FTO: variants seen among roughly 807,000 people sequenced by gnomAD.
The protein encoded by FTO is FTO alpha-ketoglutarate dependent dioxygenase.
FTO carries 47 observed loss-of-function variants against 63.9 expected under a neutral mutation model. The ratio of observed to expected loss-of-function variants is 0.74; its 90% confidence interval spans 0.58 to 0.94. FTO has a LOEUF of 0.94. Among genes scored for constraint, FTO ranks in the 40% least tolerant of loss-of-function variants. The pLI is 0.00. For synonymous variants in FTO, 207 were observed against 224.4 expected, an observed-to-expected ratio of 0.92 and a Z score of 0.69; for missense variants, 562 against 618.1, an observed-to-expected ratio of 0.91 and a Z score of 0.96.
chr16:53,934,650 C>T (rs567898866), intron 8 of FTO, among the ~76,000 whole-genome samples: 3 of 152,198 alleles, frequency 2.0e-5, no homozygotes, highest in East Asian at 3.9e-4. Flanking sequence ...GTCTGTTGCT[C>T]GGGGGCTGCA....
At chr16:53,898,756 T>C (rs1420155292) in intron 7 of FTO, among the ~76,000 whole-genome samples, 2 of 152,212 alleles carry the variant, frequency 1.3e-5, no homozygotes, top group East Asian at 3.8e-4. Context: ...CATAGCTCAC[T>C]GTAGCCTCAA....
At chr16:53,784,830 A>T (rs1321713683) in intron 1 of FTO, among the ~76,000 whole-genome samples, 1 of 152,208 alleles carries the variant, frequency 6.6e-6, no homozygotes, top group African/African-American at 2.4e-5. Flanking sequence ...GTTCATATAC[A>T]TCAAAGCTGT....
intron 7 of FTO, among the ~76,000 whole-genome samples, chr16:53,897,115 T>C (rs1218161789): frequency 1.3e-5 from 2 of 152,298 alleles, no homozygotes; most frequent in African/African-American, 4.8e-5. Flanking sequence ...TCTGTATTCC[T>C]GAAAGGATCT....
At chr16:53,879,662 G>T (rs1598892889) in intron 5 of FTO, among the ~76,000 whole-genome samples, 182 bp from the exon 6 acceptor site, 1 of 148,780 alleles carries the variant, frequency 6.7e-6, no homozygotes, top group East Asian at 2.0e-4. Flanking sequence ...CTCCAGCTTG[G>T]GTGACACAGC....
intron 8 of FTO, among the ~76,000 whole-genome samples, chr16:54,056,616 C>T (rs545367267): frequency 6.6e-6 from 1 of 152,274 alleles, no homozygotes; most frequent in East Asian, 1.9e-4. Context: ...TGTGAGCAAC[C>T]CTATGGAGAA....
chr16:53,915,205 C>T (rs148371638), intron 7 of FTO, among the ~76,000 whole-genome samples: 5,874 of 152,234 alleles, frequency 0.039, 178 homozygotes, highest in Non-Finnish European at 0.049. Context: ...TAAAAATTTT[C>T]CCTTTCTGCT....
intron 8 of FTO, among the ~76,000 whole-genome samples, chr16:54,016,240 A>G (rs2084443031): frequency 6.6e-6 from 1 of 151,836 alleles, no homozygotes; most frequent in African/African-American, 2.4e-5. Flanking sequence ...TTGTCTGCCA[A>G]CATGACAAAC....
chr16:53,727,653 T>C (rs1388457445), intron 1 of FTO, among the ~76,000 whole-genome samples: 1 of 152,168 alleles, frequency 6.6e-6, no homozygotes, highest in East Asian at 1.9e-4. Context: ...TGGAAGTGTA[T>C]GGAAAGTGTT....
intron 1 of FTO, among the ~76,000 whole-genome samples, chr16:53,719,703 T>C (rs2151484983): frequency 6.6e-6 from 1 of 152,002 alleles, no homozygotes; most frequent in East Asian, 1.9e-4. Context: ...CTACCTTTGT[T>C]TTTATTGTTT....
At chr16:54,012,616 G>A (rs1189059535) in intron 8 of FTO, among the ~76,000 whole-genome samples, 4 of 152,130 alleles carry the variant, frequency 2.6e-5, no homozygotes, top group African/African-American at 7.2e-5. Flanking sequence ...TCACAGGACA[G>A]GCTTACTCTC....
intron 1 of FTO, among the ~76,000 whole-genome samples, chr16:53,706,802 T>A (rs963877490): frequency 6.6e-6 from 1 of 152,236 alleles, no homozygotes; most frequent in Admixed American, 6.5e-5. Context: ...CCACATGTTG[T>A]TTATTCATTC....
chr16:53,885,822 C>T (rs1051304969), intron 6 of FTO, among the ~76,000 whole-genome samples: 2 of 152,166 alleles, frequency 1.3e-5, no homozygotes, highest in Admixed American at 6.5e-5. Flanking sequence ...GATCATGGCT[C>T]ACTGCAGCCT....
intron 3 of FTO, among the ~76,000 whole-genome samples, chr16:53,834,897 T>C (rs2079248105): frequency 6.6e-6 from 1 of 152,186 alleles, no homozygotes; most frequent in African/African-American, 2.4e-5. Flanking sequence ...TGCCTACACA[T>C]GTACACGCTT....
intron 1 of FTO, among the ~76,000 whole-genome samples, chr16:53,713,253 A>G (rs2075818936): frequency 6.6e-6 from 1 of 152,174 alleles, no homozygotes; most frequent in Non-Finnish European, 1.5e-5. Context: ...CTTGTTTTCA[A>G]GTGTTCTCTT....
intron 4 of FTO, among the ~76,000 whole-genome samples, chr16:53,870,067 C>A (rs977150362): frequency 2.0e-5 from 3 of 152,046 alleles, no homozygotes; most frequent in African/African-American, 7.2e-5. Flanking sequence ...GAATTGTGAA[C>A]CTCACAAGTG....
chr16:53,809,504 T>C (rs73607087), intron 1 of FTO, among the ~76,000 whole-genome samples: 175 of 152,296 alleles, frequency 1.1e-3, no homozygotes, highest in African/African-American at 3.8e-3. Flanking sequence ...AAAACTGTGT[T>C]GGATGAGTTG....
At position 53,844,189 on chromosome 16, in the gene FTO, C is replaced by T. The variant is rs1293026010; in HGVS notation, c.786C>T (p.Leu262=). ...PEEESEDDSH[L]EGRDPDIWHV... is the part of the protein sequence containing the mutation. ...AGGAAAGTGAGGATGACTCTCATCT[C>T]GAAGGCAGGGATCCTGATATTTGGC... The change falls in exon 4 of 9, where the codon CTC becomes CTT. Residue 262 remains leucine (L), a synonymous_variant. Coordinates refer to ENST00000471389, the MANE Select transcript of FTO (RefSeq NM_001080432.3). The T allele has an allele frequency of 5.0e-6, 8 of 1,613,550 alleles. No individual in the cohort carries two copies. The highest frequency in any genetic ancestry group is 5.1e-6 in the Non-Finnish European group (6 of 1,179,704).
chr16:53,914,022 C>G (rs922790299), intron 7 of FTO, among the ~76,000 whole-genome samples: 2 of 151,802 alleles, frequency 1.3e-5, no homozygotes, highest in African/African-American at 4.8e-5. Flanking sequence ...AGGCCCTGGC[C>G]ACAGTCCCTC....
chr16:53,832,780 T>C (rs2079178365), intron 3 of FTO, among the ~76,000 whole-genome samples: 1 of 152,200 alleles, frequency 6.6e-6, no homozygotes, highest in Non-Finnish European at 1.5e-5. Flanking sequence ...AACTGTACAG[T>C]TGAGTGGCAT....
Sources: gnomAD v4.1 joint callset for allele counts (sites outside exome capture counted in the v4.1 genomes callset) on GRCh38, gnomAD v4.1.1 for gene constraint, MANE v1.5 for transcripts, NCBI Gene and HGNC (gene_info 2026-07-23, HGNC 2026-07-21) for gene names.